The following DIP2B variants were observed in gnomAD, a reference collection of about 807,000 sequenced individuals.
DIP2B encodes the protein disco-interacting protein 2 homolog B.
In DIP2B, 76 loss-of-function variants were observed where a neutral mutation model predicts 198.0. The ratio of observed to expected loss-of-function variants is 0.38; its 90% CI spans 0.32 to 0.46. DIP2B has a LOEUF of 0.46. Ranked by LOEUF, DIP2B falls within the 20% of genes least tolerant of loss-of-function variation. DIP2B has a pLI of 0.99. For missense variants in DIP2B, 1,559 were observed against 1,978.4 expected (o/e 0.79, Z 4.02); for synonymous variants, 701 against 739.1 (o/e 0.95, Z 0.84).
chr12:50,518,287 C>T (rs937537363), intron 1 of DIP2B, among the ~76,000 whole-genome samples: 21 of 149,828 alleles, frequency 1.4e-4, no homozygotes, highest in East Asian at 2.0e-4. Context: ...TGCAATAGTG[C>T]GACCTCAGCT....
chr12:50,535,809 C>T (rs1958259394), intron 1 of DIP2B, among the ~76,000 whole-genome samples: 1 of 147,696 alleles, frequency 6.8e-6, no homozygotes, highest in Admixed American at 6.8e-5. Context: ...TAACTCGTCA[C>T]TTAGCATTAG....
chr12:50,625,858 C>T (rs552635171), intron 1 of DIP2B, 118 bp from the exon 2 acceptor site: 7 of 1,072,656 alleles, frequency 6.5e-6, no homozygotes, highest in East Asian at 4.8e-5. Context: ...ATTCCCCCCC[C>T]CAACCCCCTG....
At chr12:50,526,843 C>G (rs1357031692) in intron 1 of DIP2B, among the ~76,000 whole-genome samples, 1 of 152,014 alleles carries the variant, frequency 6.6e-6, no homozygotes, top group Non-Finnish European at 1.5e-5. Context: ...ACCATGTTGG[C>G]CAGGTTGGTC....
At chr12:50,556,511 G>C (rs1958472547) in intron 1 of DIP2B, among the ~76,000 whole-genome samples, 1 of 151,392 alleles carries the variant, frequency 6.6e-6, no homozygotes, top group Non-Finnish European at 1.5e-5. Flanking sequence ...TTTACTGGGA[G>C]TTAGAAGGGC....
intron 1 of DIP2B, among the ~76,000 whole-genome samples, chr12:50,563,063 C>T (rs895306174): frequency 4.6e-5 from 7 of 152,202 alleles, no homozygotes; most frequent in African/African-American, 1.7e-4. Context: ...CACAGCTTGA[C>T]TTACTCATGG....
intron 32 of DIP2B, 113 bp from the exon 33 acceptor site, chr12:50,734,022 A>C: frequency 9.5e-7 from 1 of 1,049,460 alleles, no homozygotes; most frequent in East Asian, 2.4e-5. Context: ...AGGGGAGGAG[A>C]GGTGAAAAGA....
intron 1 of DIP2B, among the ~76,000 whole-genome samples, chr12:50,548,606 AC>A (rs1300613128): frequency 5.9e-5 from 9 of 152,030 alleles, no homozygotes; most frequent in Non-Finnish European, 1.2e-4. Flanking sequence ...GCTCACTGCA[AC>A]CTCTGCCTCC....
intron 1 of DIP2B, among the ~76,000 whole-genome samples, chr12:50,600,451 T>C (rs1395504789): frequency 2.0e-5 from 3 of 152,210 alleles, no homozygotes; most frequent in Non-Finnish European, 4.4e-5. Flanking sequence ...CTACCTGTTA[T>C]TCATAAACTA....
In DIP2B at chr12:50,589,988, C is replaced by CTCTCTCTCTCACTTTCTCTG. The variant is rs529750710; in HGVS notation, c.101-35978_101-35977insACTTTCTCTGTCTCTCTCTC. 9.9e-5 allele frequency among the ~76,000 whole-genome samples: 15 copies of CTCTCTCTCTCACTTTCTCTG among 151,898 alleles called. No homozygotes were observed. The South Asian group carries it at 2.9e-3, about 30-fold the overall frequency. On this transcript the variant is annotated intron_variant, in intron 1 of 37. Coordinates refer to ENST00000301180, the MANE Select transcript of DIP2B (RefSeq NM_173602.3). ...GAGGAGATAGGCATTTCCTGTTTCTCTCTCTCTCTCTCTTTCTCTGTCTCT... is the reference window on the plus strand; with the variant it reads ...GAGGAGATAGGCATTTCCTGTTTCTCTCTCTCTCTCACTTTCTCTGTCTCTCTCTCTCTTTCTCTGTCTCT...
intron 3 of DIP2B, chr12:50,654,987 A>T (rs1291155136): frequency 4.5e-6 from 2 of 449,168 alleles, no homozygotes; most frequent in Non-Finnish European, 9.0e-6. Flanking sequence ...ACAAAATTTA[A>T]CACGTATTTG....
chr12:50,581,716 A>G (rs1221386538), intron 1 of DIP2B, among the ~76,000 whole-genome samples: 2 of 134,048 alleles, frequency 1.5e-5, no homozygotes, highest in African/African-American at 2.8e-5. Context: ...GGGCAGCACA[A>G]GGGATATCCA....
At chr12:50,668,612 AT>A (rs1938796735) in intron 4 of DIP2B, among the ~76,000 whole-genome samples, 1 of 152,230 alleles carries the variant, frequency 6.6e-6, no homozygotes, top group African/African-American at 2.4e-5. Context: ...TCTTTTTAAA[AT>A]TGGGTTATTC....
rs74316388 is a variant in DIP2B at position 50,748,568 on chromosome 12, G to A, written c.*3729G>A. 404 of 152,670 alleles carry A rather than the reference G, an allele frequency of 2.6e-3. 6 individuals are homozygous for A. In the East Asian group the frequency reaches 0.036, roughly 14 times the overall value. The allele number at this position is 152,670 out of a possible 1,614,324, so 9.5% of individuals were successfully genotyped here. On this transcript the variant is annotated 3_prime_UTR_variant, in exon 38 of 38. Transcript: ENST00000301180. ...TTATTTGAAGTTAGACTAGATATACGTTTTTAAATTTAACATCTGGCTGGA... is the reference window on the plus strand; with the variant it reads ...TTATTTGAAGTTAGACTAGATATACATTTTTAAATTTAACATCTGGCTGGA...
intron 25 of DIP2B, among the ~76,000 whole-genome samples, chr12:50,719,354 T>C (rs953760847): frequency 3.9e-5 from 6 of 152,190 alleles, no homozygotes; most frequent in African/African-American, 1.4e-4. Flanking sequence ...TGTCATACAG[T>C]TTTTTTACCC....
intron 1 of DIP2B, among the ~76,000 whole-genome samples, chr12:50,532,215 G>C (rs1369518173): frequency 2.0e-5 from 3 of 152,146 alleles, no homozygotes; most frequent in Admixed American, 2.0e-4. Context: ...TATTCTCTGA[G>C]TTAAAAATAA....
intron 1 of DIP2B, among the ~76,000 whole-genome samples, chr12:50,514,607 T>C (rs1248520619): frequency 2.6e-5 from 4 of 152,174 alleles, no homozygotes; most frequent in Admixed American, 2.6e-4. Context: ...AGTCTCTCTT[T>C]GTTTCTTTCA....
At position 50,732,380 on chromosome 12, in the gene DIP2B, C is replaced by G; in HGVS notation, c.3825C>G (p.Asn1275Lys). 1 of 1,614,214 alleles carries G rather than the reference C, an allele frequency of 6.2e-7. No individual in the cohort carries two copies. The highest frequency in any genetic ancestry group is 8.5e-7 in the Non-Finnish European group (1 of 1,180,036). ...GTGTCTTGCAGACCAGAGGGATCAACCTCTCCTGCGTCCGGACCTGTGTGG... is the reference window on the plus strand; with the variant it reads ...GTGTCTTGCAGACCAGAGGGATCAAGCTCTCCTGCGTCCGGACCTGTGTGG... ...QVEVLKTRGINLSCVRTCVVV... is the reference protein window; with the variant it reads ...QVEVLKTRGIKLSCVRTCVVV... The change falls in exon 32 of 38, where the codon AAC (asparagine) becomes AAG (lysine). Residue 1275 changes from asparagine (N) to lysine (K), a missense_variant. By Grantham distance (94) the Asn-to-Lys change is moderately conservative. Coordinates refer to ENST00000301180, the MANE Select transcript of DIP2B (RefSeq NM_173602.3).
chr12:50,625,857 C>G (rs1037609702), intron 1 of DIP2B, 119 bp from the exon 2 acceptor site: 21 of 1,066,802 alleles, frequency 2.0e-5, no homozygotes, highest in Admixed American at 6.3e-5. Flanking sequence ...CATTCCCCCC[C>G]CCAACCCCCT....
At chr12:50,659,676 A>C (rs147311933) in intron 3 of DIP2B, among the ~76,000 whole-genome samples, 1 of 152,278 alleles carries the variant, frequency 6.6e-6, no homozygotes, top group South Asian at 2.1e-4. Context: ...ATCTGCCCTT[A>C]TGTTTTTCTA....
Sources: allele counts gnomAD v4.1 joint callset (sites outside exome capture counted in the v4.1 genomes callset), GRCh38; gene constraint gnomAD v4.1.1; transcripts MANE v1.5; gene names NCBI Gene and HGNC (gene_info 2026-07-23, HGNC 2026-07-21).